Variants in TRPM3 observed in about 807,000 individuals in gnomAD.
The protein encoded by TRPM3 is long transient receptor potential channel 3.
A neutral mutation model predicts 181.2 loss-of-function variants in TRPM3; 77 were observed. The observed-to-expected ratio is 0.42, with a 90% CI of 0.35 to 0.51. TRPM3 has a LOEUF of 0.51. Among genes scored for constraint, TRPM3 ranks in the 20% least tolerant of loss-of-function variants. The probability of loss-of-function intolerance (pLI) is 0.01; values close to 1 mark genes in which losing one functional copy is unlikely to be tolerated. For synonymous variants in TRPM3, 745 were observed against 796.4 expected, an observed-to-expected ratio of 0.94 and a Z score of 1.09; for missense variants, 1,759 against 2,196.7, an observed-to-expected ratio of 0.80 and a Z score of 3.98.
intron 11 of TRPM3, among the ~76,000 whole-genome samples, chr9:70,635,648 A>G (rs558145770): frequency 4.9e-4 from 74 of 150,746 alleles, no homozygotes; most frequent in Non-Finnish European, 8.6e-4. Context: ...TTTTTTAAAG[A>G]TGGGGGTCTC....
chr9:70,586,076 G>T (rs1441910245), intron 22 of TRPM3, among the ~76,000 whole-genome samples: 2 of 152,016 alleles, frequency 1.3e-5, no homozygotes, highest in Non-Finnish European at 2.9e-5. Context: ...AGCTCATATC[G>T]AGCGGCTCAG....
At chr9:71,176,074 T>A (rs2077092719) in intron 1 of TRPM3, among the ~76,000 whole-genome samples, 1 of 152,178 alleles carries the variant, frequency 6.6e-6, no homozygotes, top group South Asian at 2.1e-4. Context: ...TACATAATAC[T>A]TGATAAGAAA....
At chr9:71,158,998 CCCTCAAACTATA>C (rs1404538624) in intron 1 of TRPM3, among the ~76,000 whole-genome samples, 2 of 151,920 alleles carry the variant, frequency 1.3e-5, no homozygotes, top group African/African-American at 2.4e-5. Context: ...GCGCCTCAGG[CCCTCAAACTATA>C]CCACTGGCTT....
chr9:70,791,406 T>C (rs2085373232), intron 6 of TRPM3, among the ~76,000 whole-genome samples: 2 of 152,346 alleles, frequency 1.3e-5, no homozygotes, highest in South Asian at 4.1e-4. Context: ...GCTTGGGTCC[T>C]TCCCTGAGGT....
intron 7 of TRPM3, among the ~76,000 whole-genome samples, chr9:70,768,381 C>T (rs2079548660): frequency 6.6e-6 from 1 of 152,058 alleles, no homozygotes; most frequent in Non-Finnish European, 1.5e-5. Flanking sequence ...TCCATGGATA[C>T]TATCATCACA....
At chr9:70,537,513 T>C (rs1484223645) in intron 25 of TRPM3, 108 bp from the exon 26 acceptor site, 1 of 984,968 alleles carries the variant, frequency 1.0e-6, no homozygotes, top group Non-Finnish European at 1.3e-6. Flanking sequence ...GTACCTTCAA[T>C]GGAAGACAGG....
chr9:71,275,496 G>A (rs2084130813), intron 1 of TRPM3, among the ~76,000 whole-genome samples: 1 of 152,134 alleles, frequency 6.6e-6, no homozygotes, highest in South Asian at 2.1e-4. Flanking sequence ...CCCCGTGTGT[G>A]TGTGTGCACA....
intron 5 of TRPM3, among the ~76,000 whole-genome samples, chr9:70,839,313 C>T (rs4344142): frequency 0.22 from 32,963 of 152,060 alleles, 4,401 homozygotes; most frequent in Non-Finnish European, 0.29. Context: ...ACTTAAGTAA[C>T]ATGAAGCCCA....
At chr9:71,437,890 A>G (rs943905960) in intron 1 of TRPM3, among the ~76,000 whole-genome samples, 5 of 151,548 alleles carry the variant, frequency 3.3e-5, no homozygotes, top group Admixed American at 6.6e-5. Flanking sequence ...AGAAAAAAAA[A>G]CCCTAAAACA....
chr9:71,407,342 C>T (rs945441618), intron 1 of TRPM3, among the ~76,000 whole-genome samples: 1 of 152,162 alleles, frequency 6.6e-6, no homozygotes, highest in African/African-American at 2.4e-5. Flanking sequence ...GCCATGACAG[C>T]TGGTACCTGG....
chr9:71,272,088 T>C (rs936988469), intron 1 of TRPM3, among the ~76,000 whole-genome samples: 1 of 152,192 alleles, frequency 6.6e-6, no homozygotes, highest in African/African-American at 2.4e-5. Flanking sequence ...AAAGGAATCT[T>C]GGCAAATAAA....
intron 1 of TRPM3, among the ~76,000 whole-genome samples, chr9:71,111,813 G>C (rs902068823): frequency 6.6e-6 from 1 of 152,180 alleles, no homozygotes; most frequent in African/African-American, 2.4e-5. Context: ...GATTATGCCA[G>C]CAAATAGTTA....
intron 1 of TRPM3, among the ~76,000 whole-genome samples, chr9:71,441,962 C>T (rs990474308): frequency 4.6e-5 from 7 of 152,076 alleles, no homozygotes; most frequent in South Asian, 2.1e-4. Context: ...TTAAAGAATT[C>T]GCTTTTAGCA....
chr9:71,012,860 A>T (rs1415727512), intron 1 of TRPM3, among the ~76,000 whole-genome samples: 1 of 151,926 alleles, frequency 6.6e-6, no homozygotes, highest in Non-Finnish European at 1.5e-5. Context: ...TTCTTTCCAG[A>T]TTTCTTTAGT....
At chr9:70,990,910 C>A (rs2097476753) in intron 1 of TRPM3, among the ~76,000 whole-genome samples, 1 of 152,110 alleles carries the variant, frequency 6.6e-6, no homozygotes, top group South Asian at 2.1e-4. Context: ...TAAATAATAT[C>A]TTAAATAAAG....
intron 1 of TRPM3, among the ~76,000 whole-genome samples, chr9:71,093,145 T>C (rs574232109): frequency 1.6e-4 from 25 of 152,136 alleles, no homozygotes; most frequent in Non-Finnish European, 3.4e-4. Flanking sequence ...GAAGAAAACC[T>C]AGGCAATACC....
At chr9:71,278,161 A>C (rs2084372092) in intron 1 of TRPM3, among the ~76,000 whole-genome samples, 1 of 152,212 alleles carries the variant, frequency 6.6e-6, no homozygotes, top group South Asian at 2.1e-4. Context: ...CAGTAAAAGG[A>C]ACAATAACTG....
chr9:71,342,670 G>A (rs1285405250), intron 1 of TRPM3, among the ~76,000 whole-genome samples: 1 of 152,054 alleles, frequency 6.6e-6, no homozygotes, highest in African/African-American at 2.4e-5. Context: ...TTTTACAAAA[G>A]TAAATTAGGC....
chr9:70,646,555 C>T (rs1290781898), intron 9 of TRPM3, among the ~76,000 whole-genome samples: 1 of 151,940 alleles, frequency 6.6e-6, no homozygotes, highest in African/African-American at 2.4e-5. Context: ...ACATCACACG[C>T]CAGGGCCTGT....
Sources: gnomAD v4.1 joint callset for allele counts (sites outside exome capture counted in the v4.1 genomes callset) on GRCh38, gnomAD v4.1.1 for gene constraint, MANE v1.5 for transcripts, NCBI Gene and HGNC (gene_info 2026-07-23, HGNC 2026-07-21) for gene names.